RNF169: variants seen among roughly 807,000 people sequenced by gnomAD.
RNF169 encodes the protein E3 ubiquitin-protein ligase RNF169.
RNF169 carries 24 observed loss-of-function variants against 53.9 expected under a neutral mutation model. That is an observed-to-expected ratio of 0.45 (90% CI 0.32 to 0.63). The LOEUF (loss-of-function observed/expected upper bound fraction) is 0.63. Ranked by LOEUF, RNF169 falls within the 20% of genes least tolerant of loss-of-function variation. The pLI is 0.04. For synonymous variants in RNF169, 396 were observed against 363.5 expected (o/e 1.09, Z -1.02); for missense variants, 883 against 906.2 (o/e 0.97, Z 0.33).
intron 1 of RNF169, among the ~76,000 whole-genome samples, chr11:74,785,188 TATATATATG>T (rs1565176467): frequency 1.6e-5 from 2 of 121,242 alleles, no homozygotes; most frequent in Admixed American, 8.1e-5. Context: ...ATATATATGA[TATATATATG>T]ATATATATAT....
rs1463426944 is a variant in RNF169, at chr11:74,839,771, A to G, written c.*3041A>G. On this transcript the variant is annotated 3_prime_UTR_variant, in exon 6 of 6. Transcript: ENST00000299563. Reference sequence around the variant, plus strand: ...AACTTTGAGAAAATGTTCTTGACCCATTGATTGTATCTGCTGGAAGAAGTC... The same window carrying G: ...AACTTTGAGAAAATGTTCTTGACCCGTTGATTGTATCTGCTGGAAGAAGTC... 2 of 152,164 alleles carry G rather than the reference A, an allele frequency of 1.3e-5. No individual in the cohort carries two copies. Among genetic ancestry groups the G allele is most frequent in the Admixed American group, 6.5e-5 (1 of 15,274 alleles). 9.4% of individuals were successfully genotyped at this position (152,164 alleles called of 1,614,324 possible). A position where few individuals can be genotyped will look rare whatever the true frequency, so the allele number is the denominator to read the frequency against.
At chr11:74,820,069 T>A (rs560864352) in intron 4 of RNF169, among the ~76,000 whole-genome samples, 94 of 152,250 alleles carry the variant, frequency 6.2e-4, no homozygotes, top group African/African-American at 2.2e-3. Context: ...TTAGAGTGAA[T>A]TGAAATCTGA....
intron 2 of RNF169, among the ~76,000 whole-genome samples, chr11:74,800,425 C>T (rs2035712905): frequency 6.6e-6 from 1 of 152,148 alleles, no homozygotes; most frequent in Non-Finnish European, 1.5e-5. Context: ...TGATTAAGAG[C>T]TGACTACTTG....
At chr11:74,773,251 T>C (rs1326330973) in intron 1 of RNF169, among the ~76,000 whole-genome samples, 2 of 152,188 alleles carry the variant, frequency 1.3e-5, no homozygotes, top group Non-Finnish European at 2.9e-5. Context: ...CATAAATATT[T>C]GTGCGATAAA....
intron 4 of RNF169, among the ~76,000 whole-genome samples, chr11:74,824,236 G>A (rs2036060058): frequency 6.6e-6 from 1 of 152,122 alleles, no homozygotes; most frequent in African/African-American, 2.4e-5. Flanking sequence ...AGAAATTCTG[G>A]AGCTGAAAAG....
chr11:74,802,775 C>T (rs552820658), intron 2 of RNF169, among the ~76,000 whole-genome samples: 17 of 151,988 alleles, frequency 1.1e-4, no homozygotes, highest in Non-Finnish European at 1.8e-4. Context: ...TAAATATTTG[C>T]GGAACTGAGC....
chr11:74,752,228 TAAAAAAAAAAAAA>T (rs11325931), intron 1 of RNF169, among the ~76,000 whole-genome samples: 1 of 78,742 alleles, frequency 1.3e-5, no homozygotes, highest in Non-Finnish European at 2.3e-5. Flanking sequence ...GAGACTGTCT[TAAAAAAAAAAAAA>T]AAAAAAAAAA....
chr11:74,788,540 C>T (rs1238123857), intron 1 of RNF169, among the ~76,000 whole-genome samples: 1 of 151,860 alleles, frequency 6.6e-6, no homozygotes, highest in Non-Finnish European at 1.5e-5. Flanking sequence ...TTACAGGTGC[C>T]CACCACCACA....
intron 2 of RNF169, chr11:74,807,813 T>G (rs184029297): frequency 6.6e-6 from 1 of 151,614 alleles, no homozygotes; most frequent in Admixed American, 6.6e-5. Context: ...GTATAAAAAC[T>G]CTCTTCTAGA....
intron 4 of RNF169, among the ~76,000 whole-genome samples, chr11:74,832,920 A>G (rs2036201260): frequency 6.6e-6 from 1 of 152,172 alleles, no homozygotes; most frequent in African/African-American, 2.4e-5. Flanking sequence ...TAAACTACCA[A>G]TCAAGCTGAC....
chr11:74,836,811 GTTTTA>G lies in RNF169; in HGVS notation c.*87_*91del, dbSNP rs2036264837. On this transcript the variant is annotated 3_prime_UTR_variant, in exon 6 of 6. Coordinates refer to ENST00000299563, the MANE Select transcript of RNF169 (RefSeq NM_001098638.2). ...TGAAGAGCTGAGTGTTCTCACTTTG[GTTTTA>G]TTTTAATGGCAAAACACTGTCTAAT... The G allele has an allele frequency of 8.8e-7, 1 of 1,140,940 alleles. No individual in the cohort carries two copies. The highest frequency in any genetic ancestry group is 1.2e-6 in the Non-Finnish European group (1 of 815,426). 70.7% of individuals were successfully genotyped at this position (1,140,940 alleles called of 1,614,324 possible).
intron 1 of RNF169, among the ~76,000 whole-genome samples, chr11:74,761,490 C>T (rs2035081161): frequency 6.7e-6 from 1 of 149,020 alleles, no homozygotes; most frequent in African/African-American, 2.5e-5. Context: ...TTCAGGAGCT[C>T]TTTTAGGGCA....
rs1163072432 is a variant in RNF169 at position 74,836,302 on chromosome 11, G to C, written c.1699G>C (p.Ala567Pro). 1 of 1,614,178 alleles carries C rather than the reference G, an allele frequency of 6.2e-7. No individual in the cohort carries two copies. Among genetic ancestry groups the C allele is most frequent in the Non-Finnish European group, 8.5e-7 (1 of 1,180,034 alleles). Residue 567 changes from alanine to proline, a missense_variant, in exon 6 of 6, where the codon GCC becomes CCC. Physicochemically the swap from Ala to Pro is conservative, Grantham distance 27. Transcript: ENST00000299563. ...AKLDKTCISR[A>P]MKITTVNSVL... ...GTTAGACAAAACCTGTATAAGCAGA[G>C]CCATGAAAATCACCACAGTTAATTC...
chr11:74,752,064 T>C (rs2034903952), intron 1 of RNF169, among the ~76,000 whole-genome samples: 1 of 151,238 alleles, frequency 6.6e-6, no homozygotes, highest in African/African-American at 2.4e-5. Flanking sequence ...AAACCCCGTC[T>C]CTACTAAAAA....
intron 1 of RNF169, among the ~76,000 whole-genome samples, chr11:74,766,835 A>G (rs183867945): frequency 1.8e-4 from 28 of 152,320 alleles, no homozygotes; most frequent in Admixed American, 1.8e-3. Flanking sequence ...ATATTGAAGG[A>G]TGGATGGTTC....
intron 3 of RNF169, 50 bp from the exon 4 acceptor site, chr11:74,817,546 G>A (rs773112363): frequency 1.8e-6 from 2 of 1,142,196 alleles, no homozygotes; most frequent in African/African-American, 3.0e-5. Context: ...TAGAGTAGAT[G>A]CCTTGGGAAC....
intron 2 of RNF169, among the ~76,000 whole-genome samples, chr11:74,800,663 A>G (rs1351670015): frequency 6.6e-6 from 1 of 152,202 alleles, no homozygotes; most frequent in East Asian, 1.9e-4. Flanking sequence ...TGTTGCTGCC[A>G]TTTATTTGCT....
intron 1 of RNF169, among the ~76,000 whole-genome samples, chr11:74,782,944 T>C (rs1198262251): frequency 1.4e-5 from 2 of 146,262 alleles, no homozygotes; most frequent in Admixed American, 1.4e-4. Context: ...CAAAGACAAA[T>C]AGCTAGTAAG....
chr11:74,804,039 T>C lies in RNF169; in HGVS notation c.577-6145T>C, dbSNP rs1301637006. 2.6e-5 allele frequency among the ~76,000 whole-genome samples: 4 copies of C among 152,270 alleles called. No homozygotes were observed. The South Asian group carries it at 8.3e-4, about 32-fold the overall frequency. On this transcript the variant is annotated intron_variant, in intron 2 of 5. Coordinates refer to ENST00000299563, the MANE Select transcript of RNF169 (RefSeq NM_001098638.2). ...TATGACATTGATGAGAGAAAAAAAATCACTTCTCAGCCAGGGCCACTGTCT... is the reference window on the plus strand; with the variant it reads ...TATGACATTGATGAGAGAAAAAAAACCACTTCTCAGCCAGGGCCACTGTCT...
Sources: allele counts gnomAD v4.1 joint callset (sites outside exome capture counted in the v4.1 genomes callset), GRCh38; gene constraint gnomAD v4.1.1; transcripts MANE v1.5; gene names NCBI Gene and HGNC (gene_info 2026-07-23, HGNC 2026-07-21).